CAMKMT: variants seen among roughly 807,000 people sequenced by gnomAD.
CAMKMT encodes the protein calmodulin-lysine N-methyltransferase.
Under a neutral mutation model 48.0 loss-of-function variants are expected in CAMKMT, and 53 were observed. The ratio of observed to expected loss-of-function variants is 1.10; its 90% CI spans 0.89 to 1.39. The LOEUF is 1.39. Among genes scored for constraint, CAMKMT ranks in the 40% most tolerant of loss-of-function variants. The pLI is 0.00. For missense variants in CAMKMT, 428 were observed against 402.7 expected (o/e 1.06, Z -0.54); for synonymous variants, 165 against 152.3 (o/e 1.08, Z -0.61).
chr2:44,429,886 G>A (rs1381458183), intron 3 of CAMKMT, among the ~76,000 whole-genome samples: 1 of 151,062 alleles, frequency 6.6e-6, no homozygotes, highest in Admixed American at 6.6e-5. Flanking sequence ...AATTATGTAG[G>A]GTCTCATTAT....
intron 3 of CAMKMT, among the ~76,000 whole-genome samples, chr2:44,524,540 CTCT>C (rs1671301465): frequency 6.7e-6 from 1 of 149,422 alleles, no homozygotes; most frequent in African/African-American, 2.5e-5. Flanking sequence ...TTTCTTCCTC[CTCT>C]TCTTTCCTTT....
chr2:44,415,946 T>C (rs1683520880), intron 3 of CAMKMT, among the ~76,000 whole-genome samples: 1 of 152,230 alleles, frequency 6.6e-6, no homozygotes, highest in Non-Finnish European at 1.5e-5. Flanking sequence ...TTGGCTAAGC[T>C]GCACGTAATA....
chr2:44,743,869 A>G (rs573907053), intron 8 of CAMKMT, among the ~76,000 whole-genome samples, 173 bp downstream of exon 8: 4 of 152,366 alleles, frequency 2.6e-5, no homozygotes, highest in Admixed American at 1.3e-4. Context: ...GTAGTCTTCT[A>G]TCACACAGTA....
At chr2:44,655,828 CT>C (rs1558774370) in intron 3 of CAMKMT, among the ~76,000 whole-genome samples, 1 of 152,130 alleles carries the variant, frequency 6.6e-6, no homozygotes, top group Non-Finnish European at 1.5e-5. Flanking sequence ...TAACCTTTAT[CT>C]TTTTGCATTC....
At chr2:44,658,221 G>C (rs78693434) in intron 3 of CAMKMT, among the ~76,000 whole-genome samples, 5,278 of 152,174 alleles carry the variant, frequency 0.035, 327 homozygotes, top group African/African-American at 0.12. Context: ...CTTCTAGTGC[G>C]GCTGAGAATT....
intron 3 of CAMKMT, among the ~76,000 whole-genome samples, chr2:44,466,197 ACACTC>A (rs1248271095): frequency 6.6e-6 from 1 of 152,218 alleles, no homozygotes; most frequent in African/African-American, 2.4e-5. Context: ...GATATACAGA[ACACTC>A]CACTCAACAA....
chr2:44,409,099 AT>A (rs1682989697), intron 3 of CAMKMT, among the ~76,000 whole-genome samples: 1 of 9,614 alleles, frequency 1.0e-4, no homozygotes. Flanking sequence ...ATATATATAT[AT>A]ATATATATAT....
chr2:44,475,525 C>G (rs573807215), intron 3 of CAMKMT, among the ~76,000 whole-genome samples: 1 of 152,016 alleles, frequency 6.6e-6, no homozygotes, highest in Admixed American at 6.6e-5. Context: ...ACCATGTTGG[C>G]CAGGATGGTC....
intron 3 of CAMKMT, among the ~76,000 whole-genome samples, chr2:44,598,359 T>C (rs1198060148): frequency 2.6e-5 from 4 of 152,076 alleles, no homozygotes; most frequent in Non-Finnish European, 4.4e-5. Context: ...AAAAACCAAG[T>C]TATGCAAAAA....
intron 3 of CAMKMT, among the ~76,000 whole-genome samples, chr2:44,629,791 A>G (rs1286428898): frequency 6.6e-6 from 1 of 152,184 alleles, no homozygotes; most frequent in Non-Finnish European, 1.5e-5. Context: ...GGGTAGGAAG[A>G]ATCAATATCG....
intron 3 of CAMKMT, among the ~76,000 whole-genome samples, chr2:44,447,120 A>T (rs745541629): frequency 2.0e-5 from 3 of 152,118 alleles, no homozygotes; most frequent in Non-Finnish European, 2.9e-5. Context: ...TTTAGTGGAG[A>T]TATGATGCAT....
intron 2 of CAMKMT, among the ~76,000 whole-genome samples, chr2:44,387,070 G>A (rs1210730322): frequency 1.3e-5 from 2 of 152,068 alleles, no homozygotes; most frequent in Non-Finnish European, 2.9e-5. Context: ...TTGTTTCCTT[G>A]TTGACTTTCT....
At position 44,657,673 on chromosome 2, in the gene CAMKMT, C is replaced by T. The variant is rs75504411; in HGVS notation, c.377-46610C>T. Reference sequence around the variant, plus strand: ...CTTCACTAATACAGCAAAAGCAAGGCATTCTGTTGTTCAAAATACATCTTT... The same window carrying T: ...CTTCACTAATACAGCAAAAGCAAGGTATTCTGTTGTTCAAAATACATCTTT... On this transcript the variant is annotated intron_variant, in intron 3 of 10. Coordinates refer to ENST00000378494, the MANE Select transcript of CAMKMT (RefSeq NM_024766.5). The surrounding 1 kb of genome is among the most constrained non-coding windows in gnomAD (Gnocchi z 4.3). Among the ~76,000 whole-genome samples, 4,032 of 152,226 alleles carry T rather than the reference C, an allele frequency of 0.026. 187 individuals are homozygous for T. The highest frequency in any genetic ancestry group is 0.092 in the African/African-American group (3,820 of 41,512).
chr2:44,576,634 G>A (rs571097482), intron 3 of CAMKMT, among the ~76,000 whole-genome samples: 34 of 152,306 alleles, frequency 2.2e-4, no homozygotes, highest in African/African-American at 7.9e-4. Context: ...TACACTGATA[G>A]CATTCAGCAA....
At chr2:44,374,955 C>G (rs1316333024) in intron 2 of CAMKMT, among the ~76,000 whole-genome samples, 1 of 151,998 alleles carries the variant, frequency 6.6e-6, no homozygotes, top group Non-Finnish European at 1.5e-5. Flanking sequence ...CATAGGGAAA[C>G]CCTGTCTCTA....
In CAMKMT at chr2:44,403,729, T is replaced by C. The variant is rs1355831691; in HGVS notation, c.376+13424T>C. On this transcript the variant is annotated intron_variant, in intron 3 of 10. Transcript: ENST00000378494. ...ACACACATATATGCACTCATATACA[T>C]TAATTTCACATAAATGCTATAATCA... Among the ~76,000 whole-genome samples, 56 of 152,216 alleles carry C rather than the reference T, an allele frequency of 3.7e-4. 1 individual carries two copies. Among genetic ancestry groups the C allele is most frequent in the Admixed American group, 3.7e-3 (56 of 15,286 alleles).
At chr2:44,656,490 A>G (rs1324003496) in intron 3 of CAMKMT, among the ~76,000 whole-genome samples, 2 of 152,212 alleles carry the variant, frequency 1.3e-5, no homozygotes, top group Admixed American at 6.5e-5. Flanking sequence ...GAATTTAATT[A>G]TAAGAGTGTG....
At chr2:44,376,559 G>A (rs1225024085) in intron 2 of CAMKMT, among the ~76,000 whole-genome samples, 1 of 152,120 alleles carries the variant, frequency 6.6e-6, no homozygotes, top group African/African-American at 2.4e-5. Context: ...CACACAGGGT[G>A]ATCAGCACTT....
chr2:44,422,450 T>A (rs1572836886), intron 3 of CAMKMT, among the ~76,000 whole-genome samples: 1 of 152,004 alleles, frequency 6.6e-6, no homozygotes, highest in African/African-American at 2.4e-5. Context: ...AAATGGGGCT[T>A]GGGAAATACA....
Sources: gnomAD v4.1 joint callset for allele counts (sites outside exome capture counted in the v4.1 genomes callset) on GRCh38, gnomAD v4.1.1 for gene constraint, Gnocchi (gnomAD v3.1) non-coding constraint, MANE v1.5 for transcripts, NCBI Gene and HGNC (gene_info 2026-07-23, HGNC 2026-07-21) for gene names.